The following SBF2 variants were observed in gnomAD, a reference collection of about 807,000 sequenced individuals.
SBF2 encodes the protein SET binding factor 2.
A neutral mutation model predicts 225.2 loss-of-function variants in SBF2; 112 were observed. The ratio of observed to expected loss-of-function variants is 0.50; its 90% CI spans 0.43 to 0.58. The LOEUF (loss-of-function observed/expected upper bound fraction) is 0.58, where lower values mean the gene tolerates loss of function less well. SBF2 is among the 20% of genes least tolerant of loss of function. SBF2 has a pLI of 0.00. For missense variants in SBF2, 1,996 were observed against 2,206.2 expected, an observed-to-expected ratio of 0.90 and a Z score of 1.91; for synonymous variants, 763 against 773.3, an observed-to-expected ratio of 0.99 and a Z score of 0.22.
At chr11:10,173,556 A>G (rs1031404362) in intron 2 of SBF2, among the ~76,000 whole-genome samples, 2 of 152,216 alleles carry the variant, frequency 1.3e-5, no homozygotes. Flanking sequence ...TCTGAGATCA[A>G]ACTGCAAGGC....
At chr11:9,880,382 T>C (rs1259934762) in intron 17 of SBF2, among the ~76,000 whole-genome samples, 1 of 152,222 alleles carries the variant, frequency 6.6e-6, no homozygotes, top group East Asian at 1.9e-4. Context: ...AAAGATGTGG[T>C]AGCAATGTTC....
intron 6 of SBF2, among the ~76,000 whole-genome samples, chr11:10,013,256 T>C (rs1331927210): frequency 1.3e-5 from 2 of 152,210 alleles, no homozygotes; most frequent in Non-Finnish European, 2.9e-5. Flanking sequence ...TTTCAATACT[T>C]TTACCGATAA....
intron 2 of SBF2, chr11:10,149,616 A>G (rs1276250109): frequency 6.6e-6 from 1 of 152,180 alleles, no homozygotes; most frequent in Non-Finnish European, 1.5e-5. Flanking sequence ...CCATCCCAAT[A>G]TGCTGTATGT....
intron 2 of SBF2, among the ~76,000 whole-genome samples, chr11:10,074,863 T>C (rs768101499): frequency 1.2e-4 from 18 of 152,242 alleles, no homozygotes; most frequent in Non-Finnish European, 2.2e-4. Context: ...TTGCTAAATA[T>C]AGCCAATGTT....
chr11:10,029,474 A>G (rs1265007238), intron 5 of SBF2, among the ~76,000 whole-genome samples: 1 of 152,224 alleles, frequency 6.6e-6, no homozygotes, highest in Non-Finnish European at 1.5e-5. Flanking sequence ...TCAACTTAAT[A>G]TATTTCCAAG....
chr11:10,178,104 A>G (rs1285309421), intron 2 of SBF2, among the ~76,000 whole-genome samples: 1 of 147,246 alleles, frequency 6.8e-6, no homozygotes, highest in African/African-American at 2.5e-5. Flanking sequence ...AGGATTCTCT[A>G]TTTAATAAAT....
chr11:10,156,991 G>C (rs1463217953), intron 2 of SBF2, among the ~76,000 whole-genome samples: 4 of 152,148 alleles, frequency 2.6e-5, no homozygotes, highest in Non-Finnish European at 5.9e-5. Flanking sequence ...ACAAGGCTGA[G>C]ACATCATGCT....
At position 9,989,055 on chromosome 11, in the gene SBF2, T is replaced by TATATATATAC. The variant is rs963608316; in HGVS notation, c.1395+441_1395+442insGTATATATAT. Among the ~76,000 whole-genome samples the TATATATATAC allele has an allele frequency of 9.1e-5, 13 of 142,722 alleles. No homozygotes were observed. The South Asian group carries it at 2.2e-3, about 24-fold the overall frequency. The allele number at this position is 142,722 out of a possible 152,430, so 93.6% of individuals were successfully genotyped here. ...ACTGTGCCAAATATATATATATATATACATATGCATACATACACATACACA... is the reference window on the plus strand; with the variant it reads ...ACTGTGCCAAATATATATATATATATATATATATACACATATGCATACATACACATACACA... On this transcript the variant is annotated intron_variant, in intron 13 of 39. Transcript: ENST00000256190.
At position 9,847,076 on chromosome 11, in the gene SBF2, C is replaced by T; in HGVS notation, c.2814G>A (p.Glu938=). Residue 938 remains glutamate (E), a synonymous_variant, in exon 23 of 40, where the codon GAG becomes GAA. Coordinates refer to ENST00000256190, the MANE Select transcript of SBF2 (RefSeq NM_030962.4). ...RGTPHDQLVG[E]QTVVRSFPIA... The stretch of plus-strand genomic sequence containing the variant: ...TGGGAAAGCTCCGCACAACTGTCTG[C>T]TCACCCACTGTAAATAGACAGGACA... 1 of 1,613,772 alleles carries T rather than the reference C, an allele frequency of 6.2e-7. No homozygotes were observed. Among genetic ancestry groups the T allele is most frequent in the African/African-American group, 1.3e-5 (1 of 75,030 alleles).
At chr11:10,128,080 T>C (rs1203949288) in intron 2 of SBF2, among the ~76,000 whole-genome samples, 1 of 152,198 alleles carries the variant, frequency 6.6e-6, no homozygotes, top group East Asian at 1.9e-4. Flanking sequence ...TGATACTATT[T>C]AGCCTAAATG....
In SBF2 at chr11:10,028,205, C is replaced by T. The variant is rs61877046; in HGVS notation, c.619+247G>A. Among the ~76,000 whole-genome samples, 16,261 of 152,074 alleles carry T rather than the reference C, an allele frequency of 0.11. 998 individuals carry two copies. The highest frequency in any genetic ancestry group is 0.12 in the Non-Finnish European group (8,453 of 67,958). Reference sequence around the variant, plus strand: ...CTGTGATTACAGGCATGAGCTACCACACCCGTCCCATCCACTTTCTAAAAG... The same window carrying T: ...CTGTGATTACAGGCATGAGCTACCATACCCGTCCCATCCACTTTCTAAAAG... On this transcript the variant is annotated intron_variant, in intron 6 of 39. Coordinates refer to ENST00000256190, the MANE Select transcript of SBF2 (RefSeq NM_030962.4).
intron 2 of SBF2, among the ~76,000 whole-genome samples, chr11:10,143,228 A>T (rs937802073): frequency 1.3e-5 from 2 of 151,830 alleles, no homozygotes; most frequent in African/African-American, 2.4e-5. Context: ...CGGGAGTGCA[A>T]TGGCGCAATC....
At chr11:10,047,540 A>T (rs1477985001) in intron 2 of SBF2, among the ~76,000 whole-genome samples, 1 of 152,146 alleles carries the variant, frequency 6.6e-6, no homozygotes, top group Non-Finnish European at 1.5e-5. Flanking sequence ...AGTGGACGTA[A>T]ATGTTAGGTA....
intron 8 of SBF2, among the ~76,000 whole-genome samples, chr11:9,999,141 T>C (rs1309880955): frequency 6.6e-6 from 1 of 152,214 alleles, no homozygotes; most frequent in Admixed American, 6.5e-5. Flanking sequence ...GAAGTTGTTA[T>C]ATTGACAATA....
At chr11:9,996,485 G>A (rs2134487670) in intron 9 of SBF2, among the ~76,000 whole-genome samples, 1 of 152,118 alleles carries the variant, frequency 6.6e-6, no homozygotes, top group East Asian at 1.9e-4. Flanking sequence ...CGCCTCCCAG[G>A]TTCATGCTAT....
rs1452820434 is a variant in SBF2, at chr11:9,904,550, G to A, written c.1861-8539C>T. ...TCTCAGTAACTGATAGTTCAAGCAG[G>A]TAGAAAAATCAGTCATCATATTGAA... On this transcript the variant is annotated intron_variant, in intron 16 of 39. Transcript: ENST00000256190. Among the ~76,000 whole-genome samples the A allele has an allele frequency of 2.0e-5, 3 of 152,140 alleles. No homozygotes were observed. The East Asian group carries it at 5.8e-4, about 29-fold the overall frequency.
intron 3 of SBF2, among the ~76,000 whole-genome samples, chr11:10,042,352 C>T (rs1352870751): frequency 2.0e-5 from 3 of 152,126 alleles, no homozygotes; most frequent in African/African-American, 7.2e-5. Flanking sequence ...TCTGAAAGAG[C>T]AATTATTTTA....
chr11:10,275,152 A>G (rs979369663), intron 1 of SBF2, among the ~76,000 whole-genome samples: 9 of 152,368 alleles, frequency 5.9e-5, no homozygotes, highest in African/African-American at 2.2e-4. Flanking sequence ...TGAGTAAAAC[A>G]AAACACAGTT....
chr11:10,123,157 G>C lies in SBF2; in HGVS notation c.141+70745C>G, dbSNP rs115294600. Among the ~76,000 whole-genome samples the C allele has an allele frequency of 4.1e-3, 618 of 152,256 alleles. 5 individuals are homozygous for C. Among genetic ancestry groups the C allele is most frequent in the African/African-American group, 0.014 (601 of 41,546 alleles). ...CCTACTGAAGGAAACATCAGGGTTA[G>C]AGTGTCACAAAACACTACAAAACCG... On this transcript the variant is annotated intron_variant, in intron 2 of 39. Coordinates refer to ENST00000256190, the MANE Select transcript of SBF2 (RefSeq NM_030962.4).
Sources: gnomAD v4.1 joint callset for allele counts (sites outside exome capture counted in the v4.1 genomes callset) on GRCh38, gnomAD v4.1.1 for gene constraint, MANE v1.5 for transcripts, NCBI Gene and HGNC (gene_info 2026-07-23, HGNC 2026-07-21) for gene names.